Variants in GRM7 observed in about 807,000 individuals in gnomAD.
GRM7 encodes metabotropic glutamate receptor 7.
In GRM7, 35 loss-of-function variants were observed where a neutral mutation model predicts 84.5. The observed-to-expected ratio is 0.41, with a 90% CI of 0.32 to 0.55. GRM7 has a LOEUF of 0.55. Among genes scored for constraint, GRM7 ranks in the 20% least tolerant of loss-of-function variants. The pLI is 0.19. For missense variants in GRM7, 1,003 were observed against 1,194.6 expected, an observed-to-expected ratio of 0.84 and a Z score of 2.36; for synonymous variants, 487 against 455.1, an observed-to-expected ratio of 1.07 and a Z score of -0.89.
intron 4 of GRM7, among the ~76,000 whole-genome samples, chr3:7,379,718 A>G (rs2125128189): frequency 6.6e-6 from 1 of 152,310 alleles, no homozygotes; most frequent in African/African-American, 2.4e-5. Context: ...TTTTAAATAT[A>G]AAACCAACCA....
At position 7,306,671 on chromosome 3, in the gene GRM7, G is replaced by GT; in HGVS notation, c.1033+20dup. Reference sequence around the variant, plus strand: ...GTGGAAGGTATGGGTTTCATCAGCAGTAGGTTTGCTGAGAGAAGTTCTGGT... The same window carrying GT: ...GTGGAAGGTATGGGTTTCATCAGCAGTTAGGTTTGCTGAGAGAAGTTCTGGT... On this transcript the variant is annotated intron_variant, in intron 4 of 9. Transcript: ENST00000357716. 1 of 1,567,078 alleles carries GT rather than the reference G, an allele frequency of 6.4e-7. No homozygotes were observed. Among genetic ancestry groups the GT allele is most frequent in the Non-Finnish European group, 8.7e-7 (1 of 1,155,566 alleles).
intron 1 of GRM7, among the ~76,000 whole-genome samples, chr3:7,022,498 C>G (rs1384272216): frequency 6.6e-6 from 1 of 151,288 alleles, no homozygotes; most frequent in Non-Finnish European, 1.5e-5. Context: ...GCAGAGGCCC[C>G]CTATGCATAG....
chr3:6,916,086 T>C (rs1420909101), intron 1 of GRM7, among the ~76,000 whole-genome samples: 3 of 152,230 alleles, frequency 2.0e-5, no homozygotes, highest in Non-Finnish European at 2.9e-5. Flanking sequence ...TTGATCTGGT[T>C]ACATATTTAT....
At chr3:7,727,918 C>T (rs974889892) in intron 9 of GRM7, among the ~76,000 whole-genome samples, 4 of 152,278 alleles carry the variant, frequency 2.6e-5, no homozygotes, top group African/African-American at 4.8e-5. Flanking sequence ...TGCAGCTCTG[C>T]GATTCTGTCT....
chr3:7,517,647 C>A (rs990758301), intron 7 of GRM7, among the ~76,000 whole-genome samples: 1 of 152,132 alleles, frequency 6.6e-6, no homozygotes, highest in Non-Finnish European at 1.5e-5. Flanking sequence ...CCTGTCTTGG[C>A]CTTCCAAAGT....
intron 2 of GRM7, among the ~76,000 whole-genome samples, chr3:7,173,078 C>T (rs1322174157): frequency 2.0e-5 from 3 of 152,088 alleles, no homozygotes; most frequent in Admixed American, 6.5e-5. Context: ...CAGAAAAGGA[C>T]GCCGAGGTAC....
intron 2 of GRM7, among the ~76,000 whole-genome samples, chr3:7,209,897 G>A (rs1023625425): frequency 2.6e-5 from 4 of 152,110 alleles, no homozygotes; most frequent in African/African-American, 7.2e-5. Flanking sequence ...CAGGAGAGAG[G>A]CCTGTCTCAC....
chr3:7,571,954 A>C (rs545244260), intron 7 of GRM7, among the ~76,000 whole-genome samples: 2 of 151,754 alleles, frequency 1.3e-5, no homozygotes, highest in African/African-American at 4.8e-5. Flanking sequence ...GTGCAGGGAA[A>C]CTCCCATTTT....
At chr3:7,691,656 CTGTTT>C (rs781275111) in intron 9 of GRM7, among the ~76,000 whole-genome samples, 2 of 151,842 alleles carry the variant, frequency 1.3e-5, no homozygotes, top group Admixed American at 6.6e-5. Flanking sequence ...TTTTTTTATT[CTGTTT>C]TGTTTATTTA....
At chr3:7,010,154 C>T (rs940057607) in intron 1 of GRM7, among the ~76,000 whole-genome samples, 6 of 152,036 alleles carry the variant, frequency 3.9e-5, no homozygotes, top group Non-Finnish European at 5.9e-5. Context: ...GATTCTGGGC[C>T]GGGCCAGTAG....
intron 8 of GRM7, among the ~76,000 whole-genome samples, chr3:7,668,568 C>A (rs973690630): frequency 6.6e-6 from 1 of 152,192 alleles, no homozygotes; most frequent in Non-Finnish European, 1.5e-5. Flanking sequence ...TTAGAAAAGT[C>A]TTTGCTGAGA....
At chr3:6,915,433 C>T (rs1323232634) in intron 1 of GRM7, among the ~76,000 whole-genome samples, 1 of 152,052 alleles carries the variant, frequency 6.6e-6, no homozygotes, top group Non-Finnish European at 1.5e-5. Flanking sequence ...ACTTGGATGG[C>T]AGATATAAAT....
At chr3:7,053,195 A>G (rs1035757990) in intron 1 of GRM7, among the ~76,000 whole-genome samples, 2 of 150,560 alleles carry the variant, frequency 1.3e-5, no homozygotes, top group Admixed American at 6.6e-5. Context: ...ACATTTATAT[A>G]TCTTTTTTGG....
rs373564269 is a variant in GRM7 at position 7,624,236 on chromosome 3, GA to G, written c.2451+44880del. 2.2e-3 allele frequency among the ~76,000 whole-genome samples: 331 copies of G among 152,238 alleles called. 5 individuals carry two copies. Among genetic ancestry groups the G allele is most frequent in the African/African-American group, 7.6e-3 (317 of 41,556 alleles). ...TGAATAAAAATAAACCAGGCTGGAG[GA>G]TCAGAATGGGGTGGTTACAGTTTCA... is the stretch of plus-strand genomic sequence containing the variant. On this transcript the variant is annotated intron_variant, in intron 8 of 9. Coordinates refer to ENST00000357716, the MANE Select transcript of GRM7 (RefSeq NM_000844.4).
chr3:6,949,042 T>G (rs1439024686), intron 1 of GRM7, among the ~76,000 whole-genome samples: 1 of 147,756 alleles, frequency 6.8e-6, no homozygotes, highest in Non-Finnish European at 1.5e-5. Context: ...ATTGGAGCAT[T>G]TAGCCCATTT....
At chr3:6,939,847 G>A (rs928637005) in intron 1 of GRM7, among the ~76,000 whole-genome samples, 1 of 152,118 alleles carries the variant, frequency 6.6e-6, no homozygotes, top group Non-Finnish European at 1.5e-5. Context: ...CTGGCTGTGA[G>A]TGTTAACATG....
intron 1 of GRM7, among the ~76,000 whole-genome samples, chr3:6,947,207 A>T (rs548249359): frequency 3.4e-4 from 51 of 152,196 alleles, no homozygotes; most frequent in African/African-American, 1.2e-3. Context: ...GATAGCTCTT[A>T]TTATTTTGAG....
At chr3:7,653,180 CTTTTTTTTTTTTT>C (rs1218949173) in intron 8 of GRM7, among the ~76,000 whole-genome samples, 3 of 89,520 alleles carry the variant, frequency 3.4e-5, no homozygotes, top group Non-Finnish European at 5.8e-5. Context: ...ATACTATATC[CTTTTTTTTTTTTT>C]TTTTTTTTTT....
At chr3:7,016,669 A>G (rs1309265116) in intron 1 of GRM7, among the ~76,000 whole-genome samples, 2 of 152,230 alleles carry the variant, frequency 1.3e-5, no homozygotes, top group Non-Finnish European at 2.9e-5. Flanking sequence ...TAGAGGATTA[A>G]ACTTGTGCAT....
Sources: gnomAD v4.1 joint callset for allele counts (sites outside exome capture counted in the v4.1 genomes callset) on GRCh38, gnomAD v4.1.1 for gene constraint, MANE v1.5 for transcripts, NCBI Gene and HGNC (gene_info 2026-07-23, HGNC 2026-07-21) for gene names.